The following PODXL variants were observed in gnomAD, a reference collection of about 807,000 sequenced individuals.
PODXL encodes podocalyxin.
A neutral mutation model predicts 48.9 loss-of-function variants in PODXL; 20 were observed. The observed-to-expected ratio is 0.41, with a 90% CI of 0.29 to 0.59. PODXL has a LOEUF of 0.59. PODXL is among the 20% of genes least tolerant of loss of function. The pLI is 0.31. For missense variants in PODXL, 606 were observed against 675.1 expected, an observed-to-expected ratio of 0.90 and a Z score of 1.13; for synonymous variants, 295 against 287.4, an observed-to-expected ratio of 1.03 and a Z score of -0.27.
chr7:131,546,001 CCCTT>C (rs1034915309), intron 1 of PODXL, among the ~76,000 whole-genome samples: 18 of 152,268 alleles, frequency 1.2e-4, no homozygotes, highest in Non-Finnish European at 1.5e-5. Flanking sequence ...TTCCTACCTT[CCCTT>C]CCTATCTTCC....
At chr7:131,541,104 C>A (rs1798473198) in intron 1 of PODXL, among the ~76,000 whole-genome samples, 1 of 152,218 alleles carries the variant, frequency 6.6e-6, no homozygotes, top group African/African-American at 2.4e-5. Flanking sequence ...GTTCCCCAGG[C>A]AAAATCCCAG....
At chr7:131,552,545 C>G (rs200189376) in intron 1 of PODXL, among the ~76,000 whole-genome samples, 11 of 152,184 alleles carry the variant, frequency 7.2e-5, no homozygotes, top group Non-Finnish European at 1.3e-4. Flanking sequence ...CCTCTTCCCC[C>G]ACCTTCTCTA....
In PODXL at chr7:131,509,380, AGCCACAGTGGGAGAAGGTGTTTT is replaced by A; in HGVS notation, c.985_1007del (p.Lys329SerfsTer2). On this transcript the variant is annotated frameshift_variant, in exon 4 of 9. Coordinates refer to ENST00000378555, the MANE Select transcript of PODXL (RefSeq NM_001018111.3). LOFTEE classifies it high-confidence loss of function. Reference sequence around the variant, plus strand: ...CTGGAGTTACCCAGTTACTCTCATGAGCCACAGTGGGAGAAGGTGTTTTGGGGTATCGGTGGGTAGTTGATGCT... The same window carrying A: ...CTGGAGTTACCCAGTTACTCTCATGAGGGGTATCGGTGGGTAGTTGATGCT... 2 of 1,613,670 alleles carry A rather than the reference AGCCACAGTGGGAGAAGGTGTTTT, an allele frequency of 1.2e-6. No individual in the cohort carries two copies. Among genetic ancestry groups the A allele is most frequent in the Non-Finnish European group, 1.7e-6 (2 of 1,179,734 alleles).
intron 1 of PODXL, among the ~76,000 whole-genome samples, chr7:131,512,994 CAAAAAAA>C (rs60701480): frequency 3.1e-5 from 3 of 95,818 alleles, no homozygotes; most frequent in African/African-American, 1.3e-4. Flanking sequence ...GACTCCGTCT[CAAAAAAA>C]AAAAAAAAAA....
chr7:131,507,222 C>T (rs902638615), intron 5 of PODXL, among the ~76,000 whole-genome samples: 1 of 152,226 alleles, frequency 6.6e-6, no homozygotes, highest in South Asian at 2.1e-4. Flanking sequence ...GGTCTCTACC[C>T]CCAAAGCTGA....
At chr7:131,542,162 T>C (rs2116855509) in intron 1 of PODXL, among the ~76,000 whole-genome samples, 1 of 152,314 alleles carries the variant, frequency 6.6e-6, no homozygotes, top group Middle Eastern at 3.4e-3. Flanking sequence ...GAAGTCAGAC[T>C]TGGGGCTCCA....
intron 1 of PODXL, among the ~76,000 whole-genome samples, chr7:131,525,354 C>A (rs12667509): frequency 6.8e-6 from 1 of 146,840 alleles, no homozygotes; most frequent in African/African-American, 2.6e-5. Flanking sequence ...TTTGGGAGGC[C>A]GAGGCGGACA....
intron 1 of PODXL, among the ~76,000 whole-genome samples, chr7:131,544,579 A>C (rs759997250): frequency 3.3e-5 from 5 of 152,006 alleles, no homozygotes; most frequent in Non-Finnish European, 5.9e-5. Flanking sequence ...CCTCCAGATC[A>C]GGGAGGCGTG....
At chr7:131,550,894 T>C (rs1219788723) in intron 1 of PODXL, among the ~76,000 whole-genome samples, 1 of 151,646 alleles carries the variant, frequency 6.6e-6, no homozygotes. Flanking sequence ...TGGCCTGCAA[T>C]CCCCCATTTG....
At chr7:131,521,303 A>C (rs777120368) in intron 1 of PODXL, among the ~76,000 whole-genome samples, 6 of 151,816 alleles carry the variant, frequency 4.0e-5, no homozygotes, top group Non-Finnish European at 5.9e-5. Flanking sequence ...TTTACCTGGG[A>C]CATGGACAAA....
Position 131,511,005 on chromosome 7 carries a change from G to A in PODXL, c.529C>T (p.His177Tyr). 6.2e-6 allele frequency: 10 copies of A among 1,614,188 alleles called. No individual in the cohort carries two copies. The highest frequency in any genetic ancestry group is 8.5e-6 in the Non-Finnish European group (10 of 1,180,024). Residue 177 changes from histidine to tyrosine, a missense_variant, in exon 2 of 9, where the codon CAT becomes TAT. Transcript: ENST00000378555. ...CTTGTAGGGTGAGGGGTCGTCAGAT[G>A]TTCTGCCTTAGTGGATGTGAGGTCT... ...TTDLTSTKAE[H>Y]LTTPHPTSPL...
chr7:131,528,687 A>C (rs988286513), intron 1 of PODXL, among the ~76,000 whole-genome samples: 1 of 152,226 alleles, frequency 6.6e-6, no homozygotes, highest in Non-Finnish European at 1.5e-5. Context: ...AATCGGCCAG[A>C]TTTTACTGTA....
chr7:131,531,957 A>C (rs980772282), intron 1 of PODXL, among the ~76,000 whole-genome samples: 2 of 151,928 alleles, frequency 1.3e-5, no homozygotes, highest in Non-Finnish European at 2.9e-5. Context: ...CTAAAAATAC[A>C]AAATTAGCTG....
chr7:131,518,691 A>G (rs752576976), intron 1 of PODXL, among the ~76,000 whole-genome samples: 2 of 152,202 alleles, frequency 1.3e-5, no homozygotes, highest in African/African-American at 2.4e-5. Flanking sequence ...CTCCTTGGTA[A>G]AGCCTATGGT....
Position 131,556,421 on chromosome 7 carries a change from C to G in PODXL, c.-62G>C. The G allele has an allele frequency of 7.6e-7, 1 of 1,323,340 alleles. No individual in the cohort carries two copies. Among genetic ancestry groups the G allele is most frequent in the Non-Finnish European group, 9.6e-7 (1 of 1,038,334 alleles). 82.0% of individuals were successfully genotyped at this position (1,323,340 alleles called of 1,614,324 possible). Reference sequence around the variant, plus strand: ...GGTGCCGGCGGAGGATCCGCGCGTCCGGGCGGTAGGAGCGTGGGCGCCGCC... The same window carrying G: ...GGTGCCGGCGGAGGATCCGCGCGTCGGGGCGGTAGGAGCGTGGGCGCCGCC... On this transcript the variant is annotated 5_prime_UTR_variant, in exon 1 of 9. Coordinates refer to ENST00000378555, the MANE Select transcript of PODXL (RefSeq NM_001018111.3).
At position 131,511,445 on chromosome 7, in the gene PODXL, G is replaced by A; in HGVS notation, c.101-12C>T. Reference sequence around the variant, plus strand: ...AGTAGTCTGGGTTGCTGTTTGTAAAGATAACAGAGAATGGAGTTAGGGCTG... The same window carrying A: ...AGTAGTCTGGGTTGCTGTTTGTAAAAATAACAGAGAATGGAGTTAGGGCTG... On this transcript the variant is annotated splice_polypyrimidine_tract_variant and intron_variant, in intron 1 of 8. Coordinates refer to ENST00000378555, the MANE Select transcript of PODXL (RefSeq NM_001018111.3). 6.3e-7 allele frequency: 1 copy of A among 1,599,626 alleles called. No homozygotes were observed. Among genetic ancestry groups the A allele is most frequent in the Non-Finnish European group, 8.5e-7 (1 of 1,179,760 alleles).
At chr7:131,506,201 C>A in intron 7 of PODXL, 59 bp downstream of exon 7, 1 of 1,583,630 alleles carries the variant, frequency 6.3e-7, no homozygotes, top group East Asian at 2.2e-5. Context: ...GGGGAGTAAC[C>A]AGACCTCCCA....
At chr7:131,555,602 A>G (rs1251906562) in intron 1 of PODXL, among the ~76,000 whole-genome samples, 3 of 152,168 alleles carry the variant, frequency 2.0e-5, no homozygotes, top group East Asian at 3.9e-4. Context: ...GCCACGCACT[A>G]AGAAGCGATT....
Position 131,504,486 on chromosome 7 carries a change from T to C in PODXL, c.1502A>G (p.Gln501Arg), listed in dbSNP as rs776839979. The change falls in exon 9 of 9, where the codon CAG (glutamine) becomes CGG (arginine). Residue 501 changes from glutamine (Q) to arginine (R), a missense_variant. Coordinates refer to ENST00000378555, the MANE Select transcript of PODXL (RefSeq NM_001018111.3). The part of the protein sequence containing the change: ...KDQQRLTEEL[Q>R]TVENGYHDNP... ...GTCATGGTAACCATTCTCCACTGTC[T>C]GCAGCTCCTCTGTTAGCCGCTGCTA... The C allele has an allele frequency of 2.5e-6, 4 of 1,614,210 alleles. No individual in the cohort carries two copies.
Sources: allele counts gnomAD v4.1 joint callset (sites outside exome capture counted in the v4.1 genomes callset), GRCh38; gene constraint gnomAD v4.1.1; transcripts MANE v1.5; gene names NCBI Gene and HGNC (gene_info 2026-07-23, HGNC 2026-07-21).